Variants in SGCZ observed in about 807,000 individuals in gnomAD.
SGCZ encodes sarcoglycan zeta, also known as zeta-sarcoglycan.
In SGCZ, 40 loss-of-function variants were observed where a neutral mutation model predicts 41.3. That is an observed-to-expected ratio of 0.97 (90% CI 0.75 to 1.26). SGCZ has a LOEUF of 1.26. Among genes scored for constraint, SGCZ ranks in the 50% most tolerant of loss-of-function variants. SGCZ has a pLI of 0.00. For synonymous variants in SGCZ, 206 were observed against 137.5 expected (o/e 1.50, Z -3.49); for missense variants, 552 against 369.8 (o/e 1.49, Z -4.04).
At chr8:15,027,446 C>T (rs923533232) in intron 1 of SGCZ, among the ~76,000 whole-genome samples, 3 of 152,052 alleles carry the variant, frequency 2.0e-5, no homozygotes, top group African/African-American at 7.2e-5. Context: ...CATGACACTA[C>T]TATGAGAAGA....
intron 4 of SGCZ, among the ~76,000 whole-genome samples, chr8:14,194,041 A>T (rs1050042750): frequency 6.6e-6 from 1 of 151,518 alleles, no homozygotes; most frequent in Admixed American, 6.6e-5. Context: ...TTAAATATAT[A>T]TTGAAACAAA....
intron 4 of SGCZ, among the ~76,000 whole-genome samples, chr8:14,203,936 G>A (rs1009201535): frequency 1.2e-4 from 18 of 151,608 alleles, no homozygotes; most frequent in African/African-American, 4.1e-4. Context: ...TAAATATATG[G>A]AGAGGGGAGA....
At chr8:14,631,885 T>C (rs1158504447) in intron 1 of SGCZ, among the ~76,000 whole-genome samples, 3 of 152,188 alleles carry the variant, frequency 2.0e-5, no homozygotes, top group African/African-American at 7.2e-5. Flanking sequence ...ACACTATTTG[T>C]ATAATACTAA....
rs749275058 is a variant in SGCZ, at chr8:14,087,471, C to G, written c.*2972G>C. 6.6e-6 allele frequency among the ~76,000 whole-genome samples: 1 copy of G among 151,500 alleles called. No homozygotes were observed. Among genetic ancestry groups the G allele is most frequent in the Non-Finnish European group, 1.5e-5 (1 of 67,708 alleles). ...CTAGCAAAACTACCAACCTCTTTTTCTTCTTCCGTTTGTTCCTTCCTGGCG... is the reference window on the plus strand; with the variant it reads ...CTAGCAAAACTACCAACCTCTTTTTGTTCTTCCGTTTGTTCCTTCCTGGCG... On this transcript the variant is annotated 3_prime_UTR_variant, in exon 8 of 8. Transcript: ENST00000382080.
chr8:14,186,185 C>G (rs1563173387), intron 4 of SGCZ, among the ~76,000 whole-genome samples: 1 of 152,168 alleles, frequency 6.6e-6, no homozygotes, highest in Admixed American at 6.5e-5. Flanking sequence ...ACATGCCGTC[C>G]AGTAAAACAG....
At chr8:14,382,990 A>C (rs73664338) in intron 2 of SGCZ, among the ~76,000 whole-genome samples, 6,807 of 152,208 alleles carry the variant, frequency 0.045, 491 homozygotes, top group African/African-American at 0.15. Flanking sequence ...GAGAGAAAAC[A>C]TATGTGGAAG....
rs202154899 is a variant in SGCZ, at chr8:14,597,588, C to G, written c.40-42662G>C. 2.6e-5 allele frequency among the ~76,000 whole-genome samples: 4 copies of G among 152,278 alleles called. No individual in the cohort carries two copies. The East Asian group carries it at 7.7e-4, about 29-fold the overall frequency. ...GGTTCAAGTGATACTCCCTTTCTCC[C>G]TGCCTCAGCCTCTAGAGTAGCTGGG... On this transcript the variant is annotated intron_variant, in intron 1 of 7. Coordinates refer to ENST00000382080, the MANE Select transcript of SGCZ (RefSeq NM_139167.4).
intron 1 of SGCZ, among the ~76,000 whole-genome samples, chr8:14,724,055 C>T (rs999058067): frequency 4.6e-5 from 7 of 152,008 alleles, no homozygotes; most frequent in African/African-American, 1.7e-4. Flanking sequence ...TGCTTAAAGT[C>T]AATGAAATCT....
At position 14,880,533 on chromosome 8, in the gene SGCZ, G is replaced by A. The variant is rs113651470; in HGVS notation, c.40-325607C>T. Among the ~76,000 whole-genome samples the A allele has an allele frequency of 4.5e-3, 685 of 152,296 alleles. 4 individuals are homozygous for A. Among genetic ancestry groups the A allele is most frequent in the African/African-American group, 0.016 (660 of 41,556 alleles). On this transcript the variant is annotated intron_variant, in intron 1 of 7. Transcript: ENST00000382080. ...GTTTACTGCGGCACTATTCACAATA[G>A]CAAAGACTTGGAAGCAACCCAAATG...
At chr8:14,681,164 C>G (rs539154727) in intron 1 of SGCZ, among the ~76,000 whole-genome samples, 23 of 152,094 alleles carry the variant, frequency 1.5e-4, no homozygotes, top group African/African-American at 5.5e-4. Context: ...AAACACGCAG[C>G]ACAGCACACT....
chr8:14,813,555 G>A (rs1801799744), intron 1 of SGCZ, among the ~76,000 whole-genome samples: 1 of 152,108 alleles, frequency 6.6e-6, no homozygotes, highest in African/African-American at 2.4e-5. Flanking sequence ...ACACACTTTT[G>A]GACTGAGAAA....
chr8:14,273,053 C>G (rs1800113924), intron 3 of SGCZ, among the ~76,000 whole-genome samples: 1 of 151,040 alleles, frequency 6.6e-6, no homozygotes, highest in Non-Finnish European at 1.5e-5. Context: ...AAATTGTATA[C>G]AAAATTTTGT....
intron 1 of SGCZ, among the ~76,000 whole-genome samples, chr8:15,180,498 A>G (rs1308184223): frequency 1.3e-5 from 2 of 152,030 alleles, no homozygotes; most frequent in Non-Finnish European, 2.9e-5. Flanking sequence ...TTTTTTTGTA[A>G]ATGCTCTCTT....
At chr8:14,997,937 G>A (rs754503229) in intron 1 of SGCZ, among the ~76,000 whole-genome samples, 1 of 152,024 alleles carries the variant, frequency 6.6e-6, no homozygotes, top group African/African-American at 2.4e-5. Context: ...TCCAGCCTGG[G>A]CGAAAGAGTG....
At chr8:15,057,549 T>C (rs1183526790) in intron 1 of SGCZ, among the ~76,000 whole-genome samples, 1 of 152,170 alleles carries the variant, frequency 6.6e-6, no homozygotes, top group Non-Finnish European at 1.5e-5. Flanking sequence ...TATTCATGTA[T>C]TAATTAAACA....
chr8:14,563,026 C>G (rs1167768402), intron 1 of SGCZ, among the ~76,000 whole-genome samples: 1 of 152,120 alleles, frequency 6.6e-6, no homozygotes, highest in South Asian at 2.1e-4. Flanking sequence ...ACCTTATACA[C>G]TATTATGCTG....
intron 1 of SGCZ, among the ~76,000 whole-genome samples, chr8:14,658,431 C>T (rs1807644239): frequency 6.6e-6 from 1 of 152,092 alleles, no homozygotes; most frequent in Admixed American, 6.6e-5. Context: ...CCGTGCTTTC[C>T]TATTTTTCTC....
At chr8:14,982,871 A>C (rs1801714857) in intron 1 of SGCZ, among the ~76,000 whole-genome samples, 1 of 152,158 alleles carries the variant, frequency 6.6e-6, no homozygotes, top group Non-Finnish European at 1.5e-5. Flanking sequence ...GATCGTTCAA[A>C]CTTTTATTAG....
chr8:15,103,201 A>G (rs1840352), intron 1 of SGCZ, among the ~76,000 whole-genome samples: 149,844 of 152,074 alleles, frequency 0.99, 73,877 homozygotes, highest in Middle Eastern at 1. Context: ...AGGAGTTTGC[A>G]ACCAACCTGG....
Sources: allele counts gnomAD v4.1 joint callset (sites outside exome capture counted in the v4.1 genomes callset), GRCh38; gene constraint gnomAD v4.1.1; transcripts MANE v1.5; gene names NCBI Gene and HGNC (gene_info 2026-07-23, HGNC 2026-07-21).